PREP: variants seen among roughly 807,000 people sequenced by gnomAD.
PREP encodes dJ355L5.1 (prolyl endopeptidase).
PREP carries 29 observed loss-of-function variants against 87.6 expected under a neutral mutation model. That is an observed-to-expected ratio of 0.33 (90% CI 0.25 to 0.45). The LOEUF is 0.45. PREP is among the 20% of genes least tolerant of loss of function. The probability of loss-of-function intolerance (pLI) is 1.00; values close to 1 mark genes in which losing one functional copy is unlikely to be tolerated. For synonymous variants in PREP, 337 were observed against 328.6 expected (o/e 1.03, Z -0.28); for missense variants, 695 against 886.5 (o/e 0.78, Z 2.74).
At chr6:105,366,116 G>A (rs114916012) in intron 6 of PREP, among the ~76,000 whole-genome samples, 9,091 of 152,116 alleles carry the variant, frequency 0.06, 299 homozygotes, top group African/African-American at 0.091. Flanking sequence ...TTATCCCGGC[G>A]TGGTGGTCCA....
intron 10 of PREP, among the ~76,000 whole-genome samples, chr6:105,289,107 C>A (rs988394036): frequency 3.9e-5 from 6 of 152,092 alleles, no homozygotes; most frequent in Non-Finnish European, 8.8e-5. Context: ...AACAGGGAGA[C>A]CTGCATTTGA....
At chr6:105,282,374 A>G in intron 13 of PREP, 77 bp downstream of exon 13, 1 of 1,505,520 alleles carries the variant, frequency 6.6e-7, no homozygotes, top group Non-Finnish European at 8.9e-7. Flanking sequence ...TTAAGTCAAG[A>G]GCTGCCTACA....
chr6:105,337,802 T>C (rs1771518973), intron 7 of PREP, among the ~76,000 whole-genome samples: 1 of 152,196 alleles, frequency 6.6e-6, no homozygotes, highest in African/African-American at 2.4e-5. Flanking sequence ...TTATTCAGAG[T>C]ATACAAGCTG....
At chr6:105,387,704 A>G (rs532298476) in intron 2 of PREP, among the ~76,000 whole-genome samples, 4 of 152,226 alleles carry the variant, frequency 2.6e-5, no homozygotes, top group Non-Finnish European at 4.4e-5. Context: ...AGAGTCTATG[A>G]ATTTGTGTTG....
intron 10 of PREP, among the ~76,000 whole-genome samples, chr6:105,292,779 A>C (rs776309773): frequency 5.9e-5 from 9 of 152,236 alleles, no homozygotes; most frequent in Non-Finnish European, 1.2e-4. Context: ...CAGTGATCTT[A>C]GCTAGATCTT....
At chr6:105,400,495 C>A (rs1436036646) in intron 1 of PREP, among the ~76,000 whole-genome samples, 1 of 152,164 alleles carries the variant, frequency 6.6e-6, no homozygotes, top group Non-Finnish European at 1.5e-5. Flanking sequence ...ATAGCTATGG[C>A]TTTACTTTAG....
chr6:105,340,351 T>C (rs963427447), intron 7 of PREP, among the ~76,000 whole-genome samples: 4 of 152,280 alleles, frequency 2.6e-5, no homozygotes, highest in African/African-American at 4.8e-5. Flanking sequence ...CTGAGAGATT[T>C]TGTCACCACC....
Position 105,375,425 on chromosome 6 carries a change from C to T in PREP, c.385+700G>A, listed in dbSNP as rs932254559. Among the ~76,000 whole-genome samples the T allele has an allele frequency of 2.6e-5, 4 of 152,170 alleles. No homozygotes were observed. The South Asian group carries it at 8.3e-4, about 32-fold the overall frequency. On this transcript the variant is annotated intron_variant, in intron 4 of 14. Transcript: ENST00000652536. ...TGTAGAGTTTACAATTATTAAAATA[C>T]AGAACTGGAGAATAACTTAGTTCCT...
rs143348745 is a variant in PREP, at chr6:105,400,611, T to C, written c.45+2236A>G. On this transcript the variant is annotated intron_variant, in intron 1 of 14. Coordinates refer to ENST00000652536, the MANE Select transcript of PREP (RefSeq NM_002726.5). ...GATGGAAATTAGTCCCATCCTCTTC[T>C]GTGTTCTCCTCTCACCCTAAATCCT... is the stretch of plus-strand genomic sequence containing the variant. 7.2e-5 allele frequency among the ~76,000 whole-genome samples: 11 copies of C among 152,314 alleles called. No individual in the cohort carries two copies. In the East Asian group the frequency reaches 2.1e-3, roughly 29 times the overall value.
At chr6:105,363,640 G>C (rs774175153) in intron 6 of PREP, among the ~76,000 whole-genome samples, 2 of 152,132 alleles carry the variant, frequency 1.3e-5, no homozygotes, top group African/African-American at 4.8e-5. Context: ...AAAGTGAGGA[G>C]GGCAGTGAAC....
intron 6 of PREP, among the ~76,000 whole-genome samples, chr6:105,362,414 T>G (rs1317906627): frequency 6.6e-6 from 1 of 152,146 alleles, no homozygotes; most frequent in Non-Finnish European, 1.5e-5. Context: ...GGAGCCAGGA[T>G]CACACCACTG....
In PREP at chr6:105,397,943, T is replaced by C; in HGVS notation, c.46-16A>G. The C allele has an allele frequency of 1.3e-6, 2 of 1,565,662 alleles. No homozygotes were observed. The highest frequency in any genetic ancestry group is 1.8e-6 in the Non-Finnish European group (2 of 1,136,108). On this transcript the variant is annotated splice_polypyrimidine_tract_variant and intron_variant, in intron 1 of 14. Transcript: ENST00000652536. ...AATCCTGTACCTGTAAAAAACAAAATGAGGTATTAGATAATTACTCTCTAA... is the reference window on the plus strand; with the variant it reads ...AATCCTGTACCTGTAAAAAACAAAACGAGGTATTAGATAATTACTCTCTAA...
intron 6 of PREP, among the ~76,000 whole-genome samples, chr6:105,363,349 C>T (rs1187076927): frequency 1.3e-5 from 2 of 152,066 alleles, no homozygotes; most frequent in Admixed American, 6.6e-5. Context: ...GATTTTTTTT[C>T]TCCCCAGATG....
At position 105,373,535 on chromosome 6, in the gene PREP, C is replaced by T. The variant is rs201423219; in HGVS notation, c.429G>A (p.Leu143=). Residue 143 remains leucine (L), a synonymous_variant, in exon 5 of 15, where the codon CTG becomes CTA. Coordinates refer to ENST00000652536, the MANE Select transcript of PREP (RefSeq NM_002726.5). ...SEDGEYFAYG[L]SASGSDWVTI... ...TCACCCAGTCTGAGCCACTGGCACTCAGACCATAGGCAAAATATTCACCAT... is the reference window on the plus strand; with the variant it reads ...TCACCCAGTCTGAGCCACTGGCACTTAGACCATAGGCAAAATATTCACCAT... The T allele has an allele frequency of 2.2e-5, 35 of 1,614,216 alleles. No individual in the cohort carries two copies. Among genetic ancestry groups the T allele is most frequent in the Non-Finnish European group, 2.9e-5 (34 of 1,180,030 alleles).
intron 5 of PREP, 39 bp downstream of exon 5, chr6:105,373,330 T>G (rs747236642): frequency 1.3e-6 from 2 of 1,593,598 alleles, no homozygotes; most frequent in Non-Finnish European, 1.7e-6. Context: ...TCACACTTCA[T>G]TTTGTGAAAA....
chr6:105,295,637 T>C (rs1367317082), intron 10 of PREP, among the ~76,000 whole-genome samples: 1 of 152,162 alleles, frequency 6.6e-6, no homozygotes, highest in Admixed American at 6.5e-5. Flanking sequence ...TCTATCCTGT[T>C]GGTGTATGTC....
At chr6:105,282,211 T>A (rs1428815245) in intron 13 of PREP, among the ~76,000 whole-genome samples, 1 of 152,288 alleles carries the variant, frequency 6.6e-6, no homozygotes, top group South Asian at 2.1e-4. Context: ...TTCACAGTGA[T>A]GAGGGAGATT....
chr6:105,343,794 A>G lies in PREP; in HGVS notation c.823+9178T>C, dbSNP rs958043996. ...AATGCTCATCATCACTGGCCATCAG[A>G]GAAATGCAAATCAAAACCACAATGA... On this transcript the variant is annotated intron_variant, in intron 7 of 14. Coordinates refer to ENST00000652536, the MANE Select transcript of PREP (RefSeq NM_002726.5). Among the ~76,000 whole-genome samples, 40 of 152,384 alleles carry G rather than the reference A, an allele frequency of 2.6e-4. 1 individual carries two copies. The highest frequency in any genetic ancestry group is 8.8e-5 in the Non-Finnish European group (6 of 68,046).
intron 14 of PREP, 67 bp downstream of exon 14, chr6:105,281,678 TC>T (rs1583033111): frequency 6.5e-7 from 1 of 1,544,962 alleles, no homozygotes; most frequent in African/African-American, 1.4e-5. Context: ...CAAGCACTAA[TC>T]CTGCTGTGAC....
Sources: allele counts gnomAD v4.1 joint callset (sites outside exome capture counted in the v4.1 genomes callset), GRCh38; gene constraint gnomAD v4.1.1; transcripts MANE v1.5; gene names NCBI Gene and HGNC (gene_info 2026-07-23, HGNC 2026-07-21).